CFAP61: variants seen among roughly 807,000 people sequenced by gnomAD.
CFAP61 encodes cilia- and flagella-associated protein 61.
In CFAP61, 107 loss-of-function variants were observed where a neutral mutation model predicts 135.6. The ratio of observed to expected loss-of-function variants is 0.79; its 90% confidence interval spans 0.67 to 0.93. The LOEUF (loss-of-function observed/expected upper bound fraction) is 0.93, where lower values mean the gene tolerates loss of function less well. Ranked by LOEUF, CFAP61 falls within the 40% of genes least tolerant of loss-of-function variation. The pLI, the probability that CFAP61 is intolerant of heterozygous loss-of-function variation, is 0.00. For synonymous variants in CFAP61, 575 were observed against 578.5 expected, an observed-to-expected ratio of 0.99 and a Z score of 0.09; for missense variants, 1,507 against 1,556.2, an observed-to-expected ratio of 0.97 and a Z score of 0.53.
intron 17 of CFAP61, 126 bp downstream of exon 17, chr20:20,200,028 C>A: frequency 1.8e-6 from 2 of 1,137,978 alleles, no homozygotes; most frequent in African/African-American, 1.5e-5. Flanking sequence ...GTGCTCATAC[C>A]CTTACAGGCG....
intron 25 of CFAP61, among the ~76,000 whole-genome samples, chr20:20,318,796 G>A (rs1424734555): frequency 2.0e-5 from 3 of 152,210 alleles, no homozygotes; most frequent in African/African-American, 7.2e-5. Flanking sequence ...GGCTGCTTGG[G>A]GGTCAGGAGG....
intron 17 of CFAP61, among the ~76,000 whole-genome samples, chr20:20,212,028 A>C (rs2047678808): frequency 6.6e-6 from 1 of 152,226 alleles, no homozygotes; most frequent in South Asian, 2.1e-4. Flanking sequence ...AGATGGGCTG[A>C]CAATGTCCCA....
intron 24 of CFAP61, among the ~76,000 whole-genome samples, chr20:20,293,035 TG>T (rs2055114313): frequency 6.6e-6 from 1 of 152,148 alleles, no homozygotes; most frequent in Admixed American, 6.5e-5. Context: ...ACCAGTGAGG[TG>T]GGGCATGAGG....
intron 20 of CFAP61, among the ~76,000 whole-genome samples, chr20:20,252,760 G>A (rs1305225836): frequency 4.6e-5 from 7 of 152,330 alleles, no homozygotes; most frequent in East Asian, 1.9e-4. Flanking sequence ...AGGAGGCAGC[G>A]CATGAAGGAG....
chr20:20,218,885 A>G (rs2048213447), intron 17 of CFAP61, among the ~76,000 whole-genome samples: 1 of 152,218 alleles, frequency 6.6e-6, no homozygotes, highest in African/African-American at 2.4e-5. Context: ...ATTGCTTCAC[A>G]CATTCAGTTG....
rs528522079 is a variant in CFAP61 at position 20,126,825 on chromosome 20, A to G, written c.860-16032A>G. ...CCAAATATGTTTTCCAAACTTTTAG[A>G]TTTCTCTTCTTCCTCAGGAATACTG... On this transcript the variant is annotated intron_variant, in intron 8 of 26. Transcript: ENST00000245957. Among the ~76,000 whole-genome samples the G allele has an allele frequency of 4.6e-5, 7 of 151,886 alleles. 1 individual carries two copies. Among genetic ancestry groups the G allele is most frequent in the Admixed American group, 4.6e-4 (7 of 15,272 alleles).
intron 8 of CFAP61, among the ~76,000 whole-genome samples, chr20:20,119,049 A>G (rs1188063402): frequency 2.0e-5 from 3 of 151,654 alleles, no homozygotes; most frequent in Non-Finnish European, 4.4e-5. Context: ...TTTTGTGTCT[A>G]TGTTCTTCAG....
chr20:20,350,383 C>G (rs2058788719), intron 26 of CFAP61, among the ~76,000 whole-genome samples: 1 of 152,350 alleles, frequency 6.6e-6, no homozygotes, highest in African/African-American at 2.4e-5. Flanking sequence ...AATCCCAGCA[C>G]TGTGGGAGGC....
At chr20:20,213,200 G>A (rs1055648940) in intron 17 of CFAP61, among the ~76,000 whole-genome samples, 3 of 152,180 alleles carry the variant, frequency 2.0e-5, no homozygotes, top group African/African-American at 4.8e-5. Context: ...CACTCAGCCC[G>A]TGCAGCTTTG....
chr20:20,301,041 T>G (rs1198288454), intron 25 of CFAP61, among the ~76,000 whole-genome samples: 1 of 152,182 alleles, frequency 6.6e-6, no homozygotes, highest in Non-Finnish European at 1.5e-5. Context: ...GAAACATGTT[T>G]TTATAAATTT....
intron 24 of CFAP61, among the ~76,000 whole-genome samples, chr20:20,296,712 C>T (rs756379539): frequency 4.6e-5 from 7 of 152,042 alleles, no homozygotes; most frequent in Non-Finnish European, 8.8e-5. Flanking sequence ...AGAAAGTGAC[C>T]GTTAACATTT....
In CFAP61 at chr20:20,307,458, A is replaced by G. The variant is rs778657455; in HGVS notation, c.3422+9072A>G. On this transcript the variant is annotated intron_variant, in intron 25 of 26. Transcript: ENST00000245957. ...TACTATACAAGGGCAGAGCTTTGTA[A>G]TGACTTTAGCTCGTGTGTTCCTGTT... Among the ~76,000 whole-genome samples, 8 of 152,200 alleles carry G rather than the reference A, an allele frequency of 5.3e-5. No individual in the cohort carries two copies. The East Asian group carries it at 9.6e-4, about 18-fold the overall frequency.
At chr20:20,354,703 T>A (rs1352585223) in intron 26 of CFAP61, among the ~76,000 whole-genome samples, 1 of 149,986 alleles carries the variant, frequency 6.7e-6, no homozygotes, top group Non-Finnish European at 1.5e-5. Context: ...GAAAAAGTGA[T>A]CACACTGTGT....
chr20:20,213,918 T>A (rs997798293), intron 17 of CFAP61, among the ~76,000 whole-genome samples: 1 of 151,688 alleles, frequency 6.6e-6, no homozygotes, highest in Non-Finnish European at 1.5e-5. Context: ...TCTCTCTCTC[T>A]CCACCCCCTC....
At chr20:20,202,985 G>A (rs2056695558) in intron 17 of CFAP61, among the ~76,000 whole-genome samples, 1 of 152,034 alleles carries the variant, frequency 6.6e-6, no homozygotes, top group Admixed American at 6.6e-5. Flanking sequence ...TTTCATCTCG[G>A]TAGGTTGCCA....
intron 20 of CFAP61, chr20:20,253,480 C>T (rs565835799): frequency 2.3e-4 from 91 of 399,362 alleles, no homozygotes; most frequent in Middle Eastern, 9.3e-4. Context: ...TCTGGCCACA[C>T]ATCTTGGGTA....
chr20:20,142,160 G>A (rs2051455289), intron 8 of CFAP61, among the ~76,000 whole-genome samples: 1 of 152,152 alleles, frequency 6.6e-6, no homozygotes, highest in Non-Finnish European at 1.5e-5. Flanking sequence ...GACCTTTGTA[G>A]ACAAAATGGG....
rs2045988751 is a variant in CFAP61 at position 20,075,526 on chromosome 20, C to T, written c.477C>T (p.Asn159=). Residue 159 remains asparagine (N), a synonymous_variant, in exon 6 of 27, where the codon AAC becomes AAT. Transcript: ENST00000245957. The part of the protein sequence containing the change: ...TLITVFDQVG[N]IPCLTYEEDF... ...TAACTGTTTTTGACCAAGTGGGGAA[C>T]ATCCCGTGTCTGACGTATGAGGAAG... The T allele has an allele frequency of 1.2e-6, 2 of 1,613,928 alleles. No individual in the cohort carries two copies. The highest frequency in any genetic ancestry group is 3.3e-5 in the Admixed American group (2 of 59,998).
chr20:20,256,012 G>T (rs917965094), intron 20 of CFAP61, among the ~76,000 whole-genome samples: 1 of 152,138 alleles, frequency 6.6e-6, no homozygotes, highest in Non-Finnish European at 1.5e-5. Flanking sequence ...GGGTTGCCAC[G>T]CTGGAGACGC....
Sources: gnomAD v4.1 joint callset for allele counts (sites outside exome capture counted in the v4.1 genomes callset) on GRCh38, gnomAD v4.1.1 for gene constraint, MANE v1.5 for transcripts, NCBI Gene and HGNC (gene_info 2026-07-23, HGNC 2026-07-21) for gene names.